Variants in TASP1 observed in about 807,000 individuals in gnomAD.
The protein encoded by TASP1 is taspase 1, also known as threonine aspartase 1.
TASP1 carries 16 observed loss-of-function variants against 56.6 expected under a neutral mutation model. That is an observed-to-expected ratio of 0.28 (90% CI 0.19 to 0.43). The LOEUF is 0.43. TASP1 is among the 20% of genes least tolerant of loss of function. The pLI, the probability that TASP1 is intolerant of heterozygous loss-of-function variation, is 1.00. For missense variants in TASP1, 393 were observed against 511.6 expected, an observed-to-expected ratio of 0.77 and a Z score of 2.24; for synonymous variants, 179 against 184.2, an observed-to-expected ratio of 0.97 and a Z score of 0.23.
the TASP1 span, among the ~76,000 whole-genome samples, chr20:13,260,730 A>G: frequency 2.0e-5 from 3 of 152,198 alleles, no homozygotes; most frequent in East Asian, 1.9e-4. Context: ...CTACCTCACC[A>G]TGGTCATTTC....
intron 11 of TASP1, among the ~76,000 whole-genome samples, chr20:13,455,976 C>T (rs1225918821): frequency 6.6e-6 from 1 of 152,126 alleles, no homozygotes; most frequent in Non-Finnish European, 1.5e-5. Context: ...ACCAGATCAG[C>T]TGCAGACAAG....
the TASP1 span, among the ~76,000 whole-genome samples, chr20:13,283,140 A>G: frequency 1.3e-5 from 2 of 152,168 alleles, no homozygotes; most frequent in African/African-American, 2.4e-5. Flanking sequence ...TCCTGGGCTC[A>G]AGCAGTCCTC....
intron 8 of TASP1, among the ~76,000 whole-genome samples, chr20:13,551,634 A>C (rs2045985536): frequency 6.6e-6 from 1 of 152,180 alleles, no homozygotes; most frequent in Admixed American, 6.6e-5. Flanking sequence ...TGTTTTCCCA[A>C]TACGAGGGTC....
the TASP1 span, among the ~76,000 whole-genome samples, chr20:13,112,236 G>A: frequency 2.0e-5 from 3 of 152,186 alleles, no homozygotes; most frequent in Non-Finnish European, 4.4e-5. Flanking sequence ...CTTTGTCTGG[G>A]GCTGGAACAT....
At chr20:13,124,007 G>T in the TASP1 span, among the ~76,000 whole-genome samples, 1 of 152,188 alleles carries the variant, frequency 6.6e-6, no homozygotes, top group African/African-American at 2.4e-5. Context: ...GACTGCTGCT[G>T]TCTCTTTGAG....
At chr20:13,528,257 A>T (rs545567346) in intron 10 of TASP1, among the ~76,000 whole-genome samples, 176 bp downstream of exon 10, 3 of 151,312 alleles carry the variant, frequency 2.0e-5, no homozygotes, top group Non-Finnish European at 2.9e-5. Flanking sequence ...AAATGTTAGC[A>T]AAGTATTTAC....
In TASP1 at chr20:13,630,111, G is replaced by T; in HGVS notation, c.-33C>A. On this transcript the variant is annotated 5_prime_UTR_variant, in exon 2 of 14. Coordinates refer to ENST00000337743, the MANE Select transcript of TASP1 (RefSeq NM_017714.3). ...GATTACCATCTTCTACTGAGAAAGG[G>T]GCATACTTCCATCCAAAAGTAATTG... The T allele has an allele frequency of 6.3e-7, 1 of 1,593,438 alleles. No individual in the cohort carries two copies. The highest frequency in any genetic ancestry group is 2.3e-5 in the East Asian group (1 of 44,092).
intron 13 of TASP1, among the ~76,000 whole-genome samples, chr20:13,405,760 G>T (rs2041895133): frequency 6.8e-6 from 1 of 146,434 alleles, no homozygotes. Flanking sequence ...ATTCCACCAT[G>T]TTAGCCAGGA....
the TASP1 span, among the ~76,000 whole-genome samples, chr20:13,205,172 A>C: frequency 2.6e-5 from 4 of 151,826 alleles, no homozygotes; most frequent in Non-Finnish European, 5.9e-5. Flanking sequence ...TAGGGATCTG[A>C]CCCATGCCCA....
chr20:13,319,359 A>T, the TASP1 span, among the ~76,000 whole-genome samples: 1 of 152,158 alleles, frequency 6.6e-6, no homozygotes, highest in Non-Finnish European at 1.5e-5. Context: ...TCTACTGCTA[A>T]TCAGAAACTG....
intron 5 of TASP1, among the ~76,000 whole-genome samples, chr20:13,585,587 G>A (rs1047874246): frequency 6.9e-6 from 1 of 145,660 alleles, no homozygotes; most frequent in Non-Finnish European, 1.5e-5. Flanking sequence ...ATATGAAAAG[G>A]CTCTTATAAG....
At chr20:13,382,063 AG>A in the TASP1 span, among the ~76,000 whole-genome samples, 2 of 152,104 alleles carry the variant, frequency 1.3e-5, no homozygotes, top group Non-Finnish European at 2.9e-5. Flanking sequence ...GAGATAGAGT[AG>A]GACTTGGTTG....
intron 10 of TASP1, among the ~76,000 whole-genome samples, chr20:13,506,388 T>A (rs1230680148): frequency 3.9e-5 from 6 of 152,192 alleles, no homozygotes; most frequent in Middle Eastern, 3.2e-3. Flanking sequence ...TCCAAACTCA[T>A]TTTACAAGAG....
At chr20:13,174,270 T>C in the TASP1 span, among the ~76,000 whole-genome samples, 1 of 152,186 alleles carries the variant, frequency 6.6e-6, no homozygotes, top group Non-Finnish European at 1.5e-5. Context: ...CATGATTAAA[T>C]AGATGTTATA....
intron 13 of TASP1, among the ~76,000 whole-genome samples, chr20:13,414,519 C>T (rs1245536704): frequency 2.0e-5 from 3 of 152,162 alleles, no homozygotes; most frequent in Non-Finnish European, 4.4e-5. Flanking sequence ...AGTATTTTCA[C>T]TGTGGTTATA....
chr20:13,363,444 C>A, the TASP1 span, among the ~76,000 whole-genome samples: 3 of 152,192 alleles, frequency 2.0e-5, no homozygotes, highest in African/African-American at 7.2e-5. Flanking sequence ...CTGTATATAG[C>A]TGTTCATCTG....
chr20:13,433,883 G>A (rs2042912093), intron 12 of TASP1, among the ~76,000 whole-genome samples: 1 of 147,766 alleles, frequency 6.8e-6, no homozygotes, highest in Non-Finnish European at 1.5e-5. Flanking sequence ...CTAATACACT[G>A]AGCTATCACC....
At chr20:13,243,779 C>G in the TASP1 span, among the ~76,000 whole-genome samples, 1 of 152,142 alleles carries the variant, frequency 6.6e-6, no homozygotes, top group Non-Finnish European at 1.5e-5. Flanking sequence ...AACTAATCAG[C>G]AAAACATGGT....
At chr20:13,121,593 T>C in the TASP1 span, among the ~76,000 whole-genome samples, 1 of 152,130 alleles carries the variant, frequency 6.6e-6, no homozygotes, top group Non-Finnish European at 1.5e-5. Context: ...TAACCCACCC[T>C]GAAGAAGACA....
Sources: allele counts gnomAD v4.1 joint callset (sites outside exome capture counted in the v4.1 genomes callset), GRCh38; gene constraint gnomAD v4.1.1; transcripts MANE v1.5; gene names NCBI Gene and HGNC (gene_info 2026-07-23, HGNC 2026-07-21).